BICD2: variants seen among roughly 807,000 people sequenced by gnomAD.
BICD2 encodes BICD cargo adaptor 2.
BICD2 carries 25 observed loss-of-function variants against 72.9 expected under a neutral mutation model. That is an observed-to-expected ratio of 0.34 (90% CI 0.25 to 0.48). BICD2 has a LOEUF of 0.48. Ranked by LOEUF, BICD2 falls within the 20% of genes least tolerant of loss-of-function variation. The pLI, the probability that BICD2 is intolerant of heterozygous loss-of-function variation, is 0.99. For missense variants in BICD2, 894 were observed against 1,175.2 expected (o/e 0.76, Z 3.50); for synonymous variants, 501 against 516.1 (o/e 0.97, Z 0.40).
chr9:92,737,495 G>C (rs1488951293), intron 1 of BICD2, among the ~76,000 whole-genome samples: 1 of 152,148 alleles, frequency 6.6e-6, no homozygotes, highest in Non-Finnish European at 1.5e-5. Context: ...ACCCCAGTGT[G>C]GGGCAGCGCG....
At chr9:92,723,500 A>G (rs10821007) in intron 2 of BICD2, among the ~76,000 whole-genome samples, 43,074 of 152,200 alleles carry the variant, frequency 0.28, 7,105 homozygotes, top group East Asian at 0.76. Flanking sequence ...TCCATGAAAT[A>G]TCCAGAATAG....
intron 3 of BICD2, among the ~76,000 whole-genome samples, 200 bp downstream of exon 3, chr9:92,722,456 T>A (rs548506721): frequency 6.6e-6 from 1 of 152,310 alleles, no homozygotes; most frequent in Non-Finnish European, 1.5e-5. Flanking sequence ...CAGCAAACAC[T>A]GCAGCCAGAG....
intron 6 of BICD2, among the ~76,000 whole-genome samples, chr9:92,716,213 G>C (rs1853310151): frequency 6.6e-6 from 1 of 152,140 alleles, no homozygotes. Context: ...CCTGCCAGGA[G>C]CCGGCCCTTG....
chr9:92,733,243 A>C (rs1853710019), intron 1 of BICD2, among the ~76,000 whole-genome samples: 1 of 152,240 alleles, frequency 6.6e-6, no homozygotes, highest in Non-Finnish European at 1.5e-5. Context: ...TTGATGTCAA[A>C]GAATAGTTTT....
intron 1 of BICD2, among the ~76,000 whole-genome samples, chr9:92,763,814 C>T (rs1472491551): frequency 6.6e-6 from 1 of 152,128 alleles, no homozygotes; most frequent in African/African-American, 2.4e-5. Flanking sequence ...AGGAAGTGGG[C>T]CAGGGAAGTC....
chr9:92,757,312 C>CAAAAA (rs1169381290), intron 1 of BICD2, among the ~76,000 whole-genome samples: 16 of 52,740 alleles, frequency 3.0e-4, no homozygotes, highest in East Asian at 1.5e-3. Context: ...AGACTGTCTC[C>CAAAAA]AAAAAAAAAA....
At chr9:92,731,226 C>A (rs368687751) in intron 1 of BICD2, among the ~76,000 whole-genome samples, 1 of 152,178 alleles carries the variant, frequency 6.6e-6, no homozygotes, top group Non-Finnish European at 1.5e-5. Flanking sequence ...AACACACCCA[C>A]GAGCCTGGAG....
chr9:92,718,972 C>A lies in BICD2; in HGVS notation c.1673G>T (p.Arg558Leu), dbSNP rs1263279945. 15 of 1,610,472 alleles carry A rather than the reference C, an allele frequency of 9.3e-6. No homozygotes were observed. Among genetic ancestry groups the A allele is most frequent in the Non-Finnish European group, 1.3e-5 (15 of 1,179,856 alleles). Reference sequence around the variant, plus strand: ...GCGGCCGGCCCCGCCCTGGCCCTCGCGGTAGTAGTCCAGCATGACACGGTT... The same window carrying A: ...GCGGCCGGCCCCGCCCTGGCCCTCGAGGTAGTAGTCCAGCATGACACGGTT... ...TPNRVMLDYY[R>L]EGQGGAGRTS... Residue 558 changes from arginine to leucine, a missense_variant, in exon 5 of 7, where the codon CGC (arginine) becomes CTC (leucine). Transcript: ENST00000356884.
Position 92,720,973 on chromosome 9 carries a change from G to A in BICD2, c.607-218C>T, listed in dbSNP as rs1459938652. Among the ~76,000 whole-genome samples the A allele has an allele frequency of 6.6e-6, 1 of 152,208 alleles. No homozygotes were observed. The highest frequency in any genetic ancestry group is 2.4e-5 in the African/African-American group (1 of 41,464). On this transcript the variant is annotated intron_variant, in intron 3 of 6. Coordinates refer to ENST00000356884, the MANE Select transcript of BICD2 (RefSeq NM_001003800.2). This position sits in a 1 kb window ranked among gnomAD's most constrained non-coding sequence, Gnocchi z 5.4. Reference sequence around the variant, plus strand: ...GGATGCTAAGAAGGTTCCAGGGCATGAGATGCGAATGCAATGAAATGCTCA... The same window carrying A: ...GGATGCTAAGAAGGTTCCAGGGCATAAGATGCGAATGCAATGAAATGCTCA...
intron 1 of BICD2, among the ~76,000 whole-genome samples, chr9:92,744,703 TG>T (rs941207416): frequency 7.2e-5 from 11 of 151,906 alleles, no homozygotes; most frequent in African/African-American, 2.7e-4. Flanking sequence ...TAGCCAGGTG[TG>T]GTGGCACGCG....
intron 1 of BICD2, among the ~76,000 whole-genome samples, chr9:92,757,659 A>T (rs1297413928): frequency 2.6e-5 from 4 of 151,716 alleles, no homozygotes; most frequent in African/African-American, 9.7e-5. Context: ...GTAAGCCGAG[A>T]TCGCGCCATT....
intron 2 of BICD2, 42 bp from the exon 3 acceptor site, chr9:92,722,850 A>G (rs199792082): frequency 5.0e-5 from 81 of 1,611,296 alleles, no homozygotes; most frequent in Non-Finnish European, 6.4e-5. Context: ...CAGCCTCCAC[A>G]GGGCACGAGA....
Position 92,713,470 on chromosome 9 carries a change from G to C in BICD2, c.*1684C>G. 1 of 1,590,206 alleles carries C rather than the reference G, an allele frequency of 6.3e-7. No homozygotes were observed. Among genetic ancestry groups the C allele is most frequent in the Non-Finnish European group, 8.6e-7 (1 of 1,167,290 alleles). ...TGGCAGCTACTCTACAGCTGAAAAC[G>C]GGAGAAAAGAGAGCGTTAGAAAGCG... is the stretch of plus-strand genomic sequence containing the variant. On this transcript the variant is annotated 3_prime_UTR_variant, in exon 7 of 7. Transcript: ENST00000356884.
At chr9:92,756,144 G>A (rs1165940742) in intron 1 of BICD2, among the ~76,000 whole-genome samples, 2 of 152,196 alleles carry the variant, frequency 1.3e-5, no homozygotes, top group Non-Finnish European at 2.9e-5. Context: ...ATCACCTCAG[G>A]TGGGCAGAGC....
Position 92,715,313 on chromosome 9 carries a change from A to G in BICD2, c.2409T>C (p.His803=), listed in dbSNP as rs893223077. ...TGGCACGGCCACGCCGGGTCTGCTC[A>G]TGGTCCAGCTCGAGCAGCTCCAGCC... The part of the protein sequence containing the change: ...TQRLELLELD[H]EQTRRGRAKA... Residue 803 remains histidine, a synonymous_variant, in exon 7 of 7, where the codon CAT becomes CAC. Transcript: ENST00000356884. 4.3e-6 allele frequency: 7 copies of G among 1,612,890 alleles called. No homozygotes were observed. In the Middle Eastern group the frequency reaches 6.6e-4, roughly 152 times the overall value.
intron 1 of BICD2, among the ~76,000 whole-genome samples, chr9:92,740,994 T>A (rs1410047016): frequency 6.6e-6 from 1 of 152,126 alleles, no homozygotes; most frequent in Non-Finnish European, 1.5e-5. Flanking sequence ...GCCTAAAGTG[T>A]CCCTGTCCAC....
chr9:92,716,194 C>T (rs1375545594), intron 6 of BICD2, among the ~76,000 whole-genome samples: 1 of 152,170 alleles, frequency 6.6e-6, no homozygotes, highest in African/African-American at 2.4e-5. Context: ...CCTACTCTGC[C>T]TGTCCCCACC....
chr9:92,717,728 G>C, intron 6 of BICD2, 69 bp downstream of exon 6: 1 of 1,499,052 alleles, frequency 6.7e-7, no homozygotes, highest in East Asian at 2.4e-5. Context: ...AGAGGCTAAG[G>C]GTTCCAGAGG....
chr9:92,735,197 C>T (rs77676794), intron 1 of BICD2, among the ~76,000 whole-genome samples: 4,571 of 152,246 alleles, frequency 0.03, 100 homozygotes, highest in Non-Finnish European at 0.044. Flanking sequence ...AACACATGAC[C>T]GCCAAGAATG....
Sources: allele counts gnomAD v4.1 joint callset (sites outside exome capture counted in the v4.1 genomes callset), GRCh38; gene constraint gnomAD v4.1.1; non-coding constraint Gnocchi (gnomAD v3.1); transcripts MANE v1.5; gene names NCBI Gene and HGNC (gene_info 2026-07-23, HGNC 2026-07-21).